The following CENPF variants were observed in gnomAD, a reference collection of about 807,000 sequenced individuals.
The protein encoded by CENPF is AH antigen.
A neutral mutation model predicts 307.3 loss-of-function variants in CENPF; 214 were observed. That is an observed-to-expected ratio of 0.70 (90% CI 0.62 to 0.78). The LOEUF is 0.78. CENPF is among the 30% of genes least tolerant of loss of function. CENPF has a pLI of 0.00. For missense variants in CENPF, 3,401 were observed against 3,483.9 expected (o/e 0.98, Z 0.60); for synonymous variants, 1,259 against 1,270.6 (o/e 0.99, Z 0.19).
intron 13 of CENPF, 181 bp from the exon 14 acceptor site, chr1:214,648,494 G>C (rs1311207408): frequency 5.3e-6 from 4 of 761,312 alleles, no homozygotes; most frequent in Non-Finnish European, 9.6e-6. Context: ...GGAAGAAAAG[G>C]TAAGCTTACT....
chr1:214,652,067 G>T (rs1226934859), intron 15 of CENPF, among the ~76,000 whole-genome samples, 181 bp downstream of exon 15: 6 of 114,068 alleles, frequency 5.3e-5, no homozygotes, highest in African/African-American at 2.4e-4. Flanking sequence ...TTTATCAGTT[G>T]ATTTTTTTTT....
At position 214,643,183 on chromosome 1, in the gene CENPF, C is replaced by A. The variant is rs766429368; in HGVS notation, c.4845C>A (p.Ser1615Arg). 1 of 1,604,360 alleles carries A rather than the reference C, an allele frequency of 6.2e-7. No homozygotes were observed. Among genetic ancestry groups the A allele is most frequent in the Non-Finnish European group, 8.5e-7 (1 of 1,176,880 alleles). The change falls in exon 12 of 20, where the codon AGC (serine) becomes AGA (arginine). Residue 1615 changes from serine (S) to arginine (R), a missense_variant. Physicochemically the swap from Ser to Arg is moderately radical, Grantham distance 110. Transcript: ENST00000366955. Reference sequence around the variant, plus strand: ...AACAGTGGCAACAGAAGCTGACAAGCGTGACTCTGGAGATGGAGTCCAAGT... The same window carrying A: ...AACAGTGGCAACAGAAGCTGACAAGAGTGACTCTGGAGATGGAGTCCAAGT... Reference protein sequence around the residue: ...ENEQWQQKLTSVTLEMESKLA... With the variant: ...ENEQWQQKLTRVTLEMESKLA...
chr1:214,652,678 C>CAG, intron 15 of CENPF, 150 bp from the exon 16 acceptor site: 1 of 524,478 alleles, frequency 1.9e-6, no homozygotes, highest in South Asian at 2.9e-5. Context: ...CTCCTGACCT[C>CAG]GTGATCTGCC....
At chr1:214,636,006 A>G (rs1657710595) in intron 10 of CENPF, among the ~76,000 whole-genome samples, 1 of 152,144 alleles carries the variant, frequency 6.6e-6, no homozygotes, top group African/African-American at 2.4e-5. Context: ...TTTTTAGAGT[A>G]AGAAAATATT....
At chr1:214,656,553 G>T (rs1247362281) in intron 17 of CENPF, among the ~76,000 whole-genome samples, 3 of 152,126 alleles carry the variant, frequency 2.0e-5, no homozygotes, top group Non-Finnish European at 4.4e-5. Flanking sequence ...CATAATCTTT[G>T]CTGACTTCTG....
chr1:214,645,370 T>C lies in CENPF; in HGVS notation c.5800T>C (p.Cys1934Arg), dbSNP rs1199401889. The C allele has an allele frequency of 6.2e-7, 1 of 1,614,108 alleles. No homozygotes were observed. Among genetic ancestry groups the C allele is most frequent in the South Asian group, 1.1e-5 (1 of 91,078 alleles). ...AGAGGTAGTTCAAACAGAGAAGCTATGTTTAGAAAAAGACAATGAAAATAA... is the reference window on the plus strand; with the variant it reads ...AGAGGTAGTTCAAACAGAGAAGCTACGTTTAGAAAAAGACAATGAAAATAA... ...DLEVVQTEKL[C>R]LEKDNENKQK... is the part of the protein sequence containing the mutation. The change falls in exon 13 of 20, where the codon TGT (cysteine) becomes CGT (arginine). Residue 1934 changes from cysteine (C) to arginine (R), a missense_variant. Cys to Arg is a radical substitution (Grantham distance 180). Transcript: ENST00000366955.
At chr1:214,643,346 G>A in intron 12 of CENPF, 22 bp downstream of exon 12, 1 of 1,451,330 alleles carries the variant, frequency 6.9e-7, no homozygotes, top group South Asian at 1.6e-5. Context: ...GGATTTAAAT[G>A]CCATTTCTCG....
At position 214,651,703 on chromosome 1, in the gene CENPF, T is replaced by G. The variant is rs759261383; in HGVS notation, c.7984-7T>G. ...TGCTATTATGATTTTATTATTTTTCTGTTTAGGATCAATTGAAGGAGCTCA... is the reference window on the plus strand; with the variant it reads ...TGCTATTATGATTTTATTATTTTTCGGTTTAGGATCAATTGAAGGAGCTCA... On this transcript the variant is annotated splice_polypyrimidine_tract_variant and splice_region_variant and intron_variant, in intron 14 of 19. Coordinates refer to ENST00000366955, the MANE Select transcript of CENPF (RefSeq NM_016343.4). 1.9e-6 allele frequency: 3 copies of G among 1,558,062 alleles called. No individual in the cohort carries two copies. The highest frequency in any genetic ancestry group is 2.6e-6 in the Non-Finnish European group (3 of 1,157,516).
intron 10 of CENPF, 70 bp from the exon 11 acceptor site, chr1:214,637,796 T>TA (rs1257478603): frequency 1.3e-6 from 2 of 1,508,686 alleles, no homozygotes; most frequent in Non-Finnish European, 1.8e-6. Context: ...TAGGGACCTT[T>TA]ATTAAGGCAG....
chr1:214,627,369 C>CTTTTTT (rs10686407), intron 7 of CENPF, among the ~76,000 whole-genome samples: 35 of 83,928 alleles, frequency 4.2e-4, no homozygotes, highest in Non-Finnish European at 4.9e-4. Flanking sequence ...CCCTCAGGCT[C>CTTTTTT]TTTTTTTTTT....
intron 1 of CENPF, 81 bp from the exon 2 acceptor site, chr1:214,613,633 G>A: frequency 1.0e-6 from 1 of 985,068 alleles, no homozygotes; most frequent in Admixed American, 2.7e-5. Flanking sequence ...ATTTTTAGGG[G>A]TGGTTAGATA....
At chr1:214,661,505 C>T (rs551962534) in intron 19 of CENPF, among the ~76,000 whole-genome samples, 96 of 152,252 alleles carry the variant, frequency 6.3e-4, no homozygotes, top group African/African-American at 2.3e-3. Flanking sequence ...AGACAGTTTC[C>T]TAGGTCATTT....
chr1:214,629,810 C>A (rs1449469705), intron 8 of CENPF, among the ~76,000 whole-genome samples: 1 of 152,176 alleles, frequency 6.6e-6, no homozygotes, highest in Non-Finnish European at 1.5e-5. Context: ...CCTTGGCCTC[C>A]CAAAGTGCTG....
intron 2 of CENPF, 46 bp downstream of exon 2, chr1:214,613,962 CAG>C (rs1417190655): frequency 1.3e-6 from 2 of 1,506,542 alleles, no homozygotes; most frequent in Non-Finnish European, 1.8e-6. Context: ...TCATTATTGA[CAG>C]AGAAGTGCTG....
rs1558195839 is a variant in CENPF at position 214,664,475 on chromosome 1, A to AT, written c.*687dup. ...TGTGCTTTTTTCTGTTTTTAGACCAATTTTTTACAGTTCTTTGGTAAGCAT... is the reference window on the plus strand; with the variant it reads ...TGTGCTTTTTTCTGTTTTTAGACCAATTTTTTTACAGTTCTTTGGTAAGCAT... On this transcript the variant is annotated 3_prime_UTR_variant, in exon 20 of 20. Coordinates refer to ENST00000366955, the MANE Select transcript of CENPF (RefSeq NM_016343.4). 6.6e-6 allele frequency: 1 copy of AT among 152,010 alleles called. No individual in the cohort carries two copies. The highest frequency in any genetic ancestry group is 1.5e-5 in the Non-Finnish European group (1 of 68,020). 9.4% of individuals were successfully genotyped at this position (152,010 alleles called of 1,614,324 possible).
intron 1 of CENPF, among the ~76,000 whole-genome samples, chr1:214,606,369 G>A (rs570483276): frequency 2.2e-4 from 34 of 152,288 alleles, no homozygotes; most frequent in African/African-American, 7.7e-4. Context: ...CTGGGGCGGA[G>A]GTAGGGGAGG....
At chr1:214,634,438 T>C (rs1657901626) in intron 10 of CENPF, among the ~76,000 whole-genome samples, 1 of 152,178 alleles carries the variant, frequency 6.6e-6, no homozygotes, top group Non-Finnish European at 1.5e-5. Context: ...TGAGATTGTG[T>C]TGCTTTTCTG....
chr1:214,633,860 T>C (rs1657877663), intron 10 of CENPF, among the ~76,000 whole-genome samples: 2 of 152,248 alleles, frequency 1.3e-5, no homozygotes, highest in African/African-American at 2.4e-5. Flanking sequence ...CAGATGCTTC[T>C]GCTAACATTT....
chr1:214,629,793 T>C lies in CENPF; in HGVS notation c.1194+622T>C, dbSNP rs560673804. On this transcript the variant is annotated intron_variant, in intron 8 of 19. Coordinates refer to ENST00000366955, the MANE Select transcript of CENPF (RefSeq NM_016343.4). The stretch of plus-strand genomic sequence containing the variant: ...TCTCGAACTCCTGACCTCAGGTGAT[T>C]CACCCACCTTGGCCTCCCAAAGTGC... Among the ~76,000 whole-genome samples the C allele has an allele frequency of 1.4e-3, 208 of 152,222 alleles. 2 individuals carry two copies. The highest frequency in any genetic ancestry group is 4.8e-3 in the African/African-American group (201 of 41,548).
Sources: gnomAD v4.1 joint callset for allele counts (sites outside exome capture counted in the v4.1 genomes callset) on GRCh38, gnomAD v4.1.1 for gene constraint, MANE v1.5 for transcripts, NCBI Gene and HGNC (gene_info 2026-07-23, HGNC 2026-07-21) for gene names.